The following PCDH15 variants were observed in gnomAD, a reference collection of about 807,000 sequenced individuals.
PCDH15 encodes the protein protocadherin-15.
A neutral mutation model predicts 178.5 loss-of-function variants in PCDH15; 129 were observed. The observed-to-expected ratio is 0.72, with a 90% CI of 0.63 to 0.84. The LOEUF (loss-of-function observed/expected upper bound fraction) is 0.84. PCDH15 is among the 40% of genes least tolerant of loss of function. The pLI, the probability that PCDH15 is intolerant of heterozygous loss-of-function variation, is 0.00. For synonymous variants in PCDH15, 800 were observed against 732.0 expected (o/e 1.09, Z -1.50); for missense variants, 2,230 against 2,099.9 (o/e 1.06, Z -1.21).
At chr10:53,866,353 C>T (rs909288710) in intron 27 of PCDH15, among the ~76,000 whole-genome samples, 5 of 151,460 alleles carry the variant, frequency 3.3e-5, no homozygotes, top group African/African-American at 1.2e-4. Context: ...AAATCCAGTG[C>T]TTATACCTTT....
intron 2 of PCDH15, among the ~76,000 whole-genome samples, chr10:55,568,372 C>T (rs1217440544): frequency 6.6e-6 from 1 of 151,874 alleles, no homozygotes; most frequent in Non-Finnish European, 1.5e-5. Flanking sequence ...ATCCTCAGAA[C>T]AGACAGTGAA....
chr10:54,630,183 A>C (rs2093662972), intron 2 of PCDH15, among the ~76,000 whole-genome samples: 1 of 152,158 alleles, frequency 6.6e-6, no homozygotes, highest in Non-Finnish European at 1.5e-5. Context: ...TTCATATGGA[A>C]CTAGAAAAGA....
chr10:55,146,077 C>T (rs2799606), intron 2 of PCDH15, among the ~76,000 whole-genome samples: 146,684 of 152,000 alleles, frequency 0.97, 70,963 homozygotes, highest in Non-Finnish European at 1. Context: ...GTAGGTTTTA[C>T]GGAAAAGTCC....
At chr10:55,606,613 C>G (rs1357428244) in intron 2 of PCDH15, among the ~76,000 whole-genome samples, 1 of 148,422 alleles carries the variant, frequency 6.7e-6, no homozygotes, top group African/African-American at 2.5e-5. Flanking sequence ...AGTATCTGAT[C>G]TTTGACAAAC....
chr10:54,351,705 T>C (rs1038484946), intron 5 of PCDH15, among the ~76,000 whole-genome samples: 1 of 152,154 alleles, frequency 6.6e-6, no homozygotes, highest in African/African-American at 2.4e-5. Flanking sequence ...TGCTGTTCAA[T>C]TGCAACAGGA....
chr10:55,068,947 G>A (rs572158672), intron 2 of PCDH15, among the ~76,000 whole-genome samples: 1 of 152,108 alleles, frequency 6.6e-6, no homozygotes, highest in South Asian at 2.1e-4. Flanking sequence ...ACCCAGGCTA[G>A]AGTGCAGTGG....
At chr10:54,698,805 C>T (rs562785682) in intron 1 of PCDH15, among the ~76,000 whole-genome samples, 7 of 152,168 alleles carry the variant, frequency 4.6e-5, no homozygotes, top group African/African-American at 1.7e-4. Context: ...TGATTTCTTC[C>T]CTGACAACTG....
chr10:53,825,859 A>G (rs1220258052), intron 32 of PCDH15, among the ~76,000 whole-genome samples: 1 of 151,436 alleles, frequency 6.6e-6, no homozygotes, highest in Non-Finnish European at 1.5e-5. Context: ...TTACAATTGC[A>G]AAATCTACTG....
intron 1 of PCDH15, among the ~76,000 whole-genome samples, chr10:55,308,112 C>G (rs1843477468): frequency 6.6e-6 from 1 of 152,054 alleles, no homozygotes; most frequent in South Asian, 2.1e-4. Context: ...TTTCTATTAT[C>G]AAGTGAGTTT....
At chr10:54,830,872 C>T (rs1345798464) in intron 3 of PCDH15, among the ~76,000 whole-genome samples, 1 of 151,930 alleles carries the variant, frequency 6.6e-6, no homozygotes, top group Non-Finnish European at 1.5e-5. Context: ...AAAAGAACTC[C>T]AGCAAATCAC....
chr10:54,114,898 C>T (rs755497616), intron 15 of PCDH15, among the ~76,000 whole-genome samples: 1 of 152,160 alleles, frequency 6.6e-6, no homozygotes, highest in Non-Finnish European at 1.5e-5. Context: ...AGGTAGCTAT[C>T]AGTACAACAT....
chr10:55,146,641 C>G (rs1373969945), intron 2 of PCDH15, among the ~76,000 whole-genome samples: 1 of 151,812 alleles, frequency 6.6e-6, no homozygotes, highest in Non-Finnish European at 1.5e-5. Context: ...GTTTTATAAG[C>G]ACCAAAAGAT....
chr10:54,534,831 C>T (rs1051592618), intron 2 of PCDH15, among the ~76,000 whole-genome samples: 1 of 152,142 alleles, frequency 6.6e-6, no homozygotes, highest in African/African-American at 2.4e-5. Flanking sequence ...CAGGAAAATA[C>T]ACACAGGAGT....
At chr10:54,576,142 TC>T (rs1215541747) in intron 2 of PCDH15, among the ~76,000 whole-genome samples, 2 of 151,866 alleles carry the variant, frequency 1.3e-5, no homozygotes, top group African/African-American at 4.9e-5. Flanking sequence ...TATCCATCTA[TC>T]TATCTATCTA....
chr10:54,211,261 T>C (rs1188038319), intron 10 of PCDH15, among the ~76,000 whole-genome samples: 4 of 152,132 alleles, frequency 2.6e-5, no homozygotes, highest in African/African-American at 9.6e-5. Context: ...ACAGAGGTAT[T>C]ATGAATAATT....
chr10:55,046,036 C>A (rs534143901), intron 2 of PCDH15, among the ~76,000 whole-genome samples: 2 of 152,122 alleles, frequency 1.3e-5, no homozygotes, highest in African/African-American at 4.8e-5. Context: ...TAGTGAAATT[C>A]TTGTTGACAA....
chr10:54,141,625 A>G (rs2043420154), intron 14 of PCDH15, among the ~76,000 whole-genome samples: 2 of 152,068 alleles, frequency 1.3e-5, no homozygotes, highest in African/African-American at 4.8e-5. Flanking sequence ...CTCTGAAACT[A>G]CTTTCATTGT....
intron 14 of PCDH15, among the ~76,000 whole-genome samples, chr10:54,142,981 G>A (rs766697025): frequency 2.6e-5 from 4 of 151,952 alleles, no homozygotes; most frequent in East Asian, 1.9e-4. Flanking sequence ...TTGTGATATC[G>A]AGTGTCTTAA....
At chr10:54,840,198 T>A (rs981217096) in intron 3 of PCDH15, among the ~76,000 whole-genome samples, 3 of 152,012 alleles carry the variant, frequency 2.0e-5, no homozygotes, top group Non-Finnish European at 4.4e-5. Flanking sequence ...CAGTTTTACC[T>A]CTAGTTGAAA....
Sources: gnomAD v4.1 joint callset for allele counts (sites outside exome capture counted in the v4.1 genomes callset) on GRCh38, gnomAD v4.1.1 for gene constraint, MANE v1.5 for transcripts, NCBI Gene and HGNC (gene_info 2026-07-23, HGNC 2026-07-21) for gene names.